Variants in RUNX1 observed in about 807,000 individuals in gnomAD.
The protein encoded by RUNX1 is RUNX family transcription factor 1.
Under a neutral mutation model 42.8 loss-of-function variants are expected in RUNX1, and 19 were observed. The ratio of observed to expected loss-of-function variants is 0.44; its 90% CI spans 0.31 to 0.65. RUNX1 has a LOEUF of 0.65. RUNX1 is among the 30% of genes least tolerant of loss of function. The pLI, the probability that RUNX1 is intolerant of heterozygous loss-of-function variation, is 0.07. For missense variants in RUNX1, 528 were observed against 672.0 expected, an observed-to-expected ratio of 0.79 and a Z score of 2.37; for synonymous variants, 271 against 289.4, an observed-to-expected ratio of 0.94 and a Z score of 0.64.
chr21:34,896,598 A>C (rs2058132118), intron 2 of RUNX1, among the ~76,000 whole-genome samples: 2 of 152,114 alleles, frequency 1.3e-5, no homozygotes, highest in African/African-American at 4.8e-5. Context: ...CAGGAGAATC[A>C]CTAGAACCCA....
chr21:34,849,328 T>TA (rs1450692175), intron 6 of RUNX1, among the ~76,000 whole-genome samples: 7 of 35,118 alleles, frequency 2.0e-4, no homozygotes, highest in East Asian at 2.4e-3. Flanking sequence ...ATATATTATA[T>TA]ATACTATATA....
chr21:34,971,540 T>G (rs574968653), intron 2 of RUNX1, among the ~76,000 whole-genome samples: 33 of 152,032 alleles, frequency 2.2e-4, no homozygotes, highest in Non-Finnish European at 3.7e-4. Context: ...CATCCATCCA[T>G]CCATCCAACC....
intron 6 of RUNX1, among the ~76,000 whole-genome samples, chr21:34,840,898 G>A (rs766058963): frequency 2.2e-4 from 34 of 152,080 alleles, no homozygotes; most frequent in Non-Finnish European, 3.2e-4. Context: ...AGAGCCTTTC[G>A]TGCTACCCTA....
intron 5 of RUNX1, among the ~76,000 whole-genome samples, chr21:34,874,393 C>A (rs918676114): frequency 3.5e-5 from 5 of 141,112 alleles, no homozygotes; most frequent in African/African-American, 1.3e-4. Flanking sequence ...GTGGACCACC[C>A]GAGATCAGGA....
intron 3 of RUNX1, chr21:34,888,714 G>C (rs989634427): frequency 1.9e-6 from 2 of 1,030,340 alleles, no homozygotes; most frequent in Non-Finnish European, 2.3e-6. Flanking sequence ...GGAAATGAAC[G>C]TGCTTTTACT....
chr21:34,989,577 C>A (rs534350269), intron 2 of RUNX1, among the ~76,000 whole-genome samples: 1 of 152,074 alleles, frequency 6.6e-6, no homozygotes, highest in Admixed American at 6.6e-5. Context: ...AAAGCAGTTT[C>A]TCTCCTCCTA....
chr21:34,918,470 A>T lies in RUNX1; in HGVS notation c.59-25507T>A, dbSNP rs1287370876. 2.0e-5 allele frequency among the ~76,000 whole-genome samples: 3 copies of T among 152,188 alleles called. No homozygotes were observed. In the East Asian group the frequency reaches 5.8e-4, roughly 29 times the overall value. ...AGGAAGGATCTATGTTTAACAGATT[A>T]TTTTAGTTTTAAAATTTGCTTATCT... On this transcript the variant is annotated intron_variant, in intron 2 of 8. Coordinates refer to ENST00000675419, the MANE Select transcript of RUNX1 (RefSeq NM_001754.5).
chr21:34,849,279 A>ACT (rs1260484764), intron 6 of RUNX1, among the ~76,000 whole-genome samples: 2 of 66,682 alleles, frequency 3.0e-5, no homozygotes, highest in African/African-American at 1.2e-4. Context: ...ATATATATAT[A>ACT]ATATATATTA....
chr21:34,949,944 C>T (rs2058594429), intron 2 of RUNX1, among the ~76,000 whole-genome samples: 1 of 152,220 alleles, frequency 6.6e-6, no homozygotes, highest in African/African-American at 2.4e-5. Context: ...GGGGCTTTGA[C>T]ATCTTGTGCT....
At chr21:35,023,753 T>C (rs1334916616) in intron 2 of RUNX1, among the ~76,000 whole-genome samples, 2 of 152,176 alleles carry the variant, frequency 1.3e-5, no homozygotes, top group Non-Finnish European at 2.9e-5. Flanking sequence ...CAACATTGCC[T>C]GATTTACAGG....
At chr21:34,998,848 T>G (rs929320046) in intron 2 of RUNX1, among the ~76,000 whole-genome samples, 2 of 152,172 alleles carry the variant, frequency 1.3e-5, no homozygotes, top group African/African-American at 4.8e-5. Flanking sequence ...GCCTCTTTTT[T>G]CTTAAGACCA....
intron 2 of RUNX1, among the ~76,000 whole-genome samples, chr21:34,912,188 C>G (rs1380963635): frequency 6.7e-6 from 1 of 149,318 alleles, no homozygotes; most frequent in African/African-American, 2.5e-5. Context: ...TGAACTGTAG[C>G]TGCCACCTCC....
chr21:34,994,671 T>C (rs948386618), intron 2 of RUNX1, among the ~76,000 whole-genome samples: 3 of 152,014 alleles, frequency 2.0e-5, no homozygotes, highest in Non-Finnish European at 4.4e-5. Context: ...CCCGTAAAAA[T>C]TGAAAATTAA....
intron 2 of RUNX1, among the ~76,000 whole-genome samples, chr21:34,932,569 G>A (rs1285360881): frequency 6.6e-6 from 1 of 152,150 alleles, no homozygotes; most frequent in Non-Finnish European, 1.5e-5. Context: ...TTATTGAGGA[G>A]TCCATTATGT....
rs887719483 is a variant in RUNX1, at chr21:34,907,503, C to A, written c.59-14540G>T. Among the ~76,000 whole-genome samples, 2 of 152,074 alleles carry A rather than the reference C, an allele frequency of 1.3e-5. No homozygotes were observed. Among genetic ancestry groups the A allele is most frequent in the African/African-American group, 4.8e-5 (2 of 41,424 alleles). On this transcript the variant is annotated intron_variant, in intron 2 of 8. Coordinates refer to ENST00000675419, the MANE Select transcript of RUNX1 (RefSeq NM_001754.5). The surrounding 1 kb of genome is among the most constrained non-coding windows in gnomAD (Gnocchi z 5.3). ...CTGAGCCCTGGCATACTATTTACTT[C>A]TTACTGTTTCTTGCTATTCAAAAAG...
At chr21:34,977,237 A>C (rs2058809495) in intron 2 of RUNX1, among the ~76,000 whole-genome samples, 1 of 152,240 alleles carries the variant, frequency 6.6e-6, no homozygotes, top group Admixed American at 6.5e-5. Flanking sequence ...CACGGTGTTG[A>C]ATTCCCCACT....
chr21:34,921,268 A>G (rs4816500), intron 2 of RUNX1, among the ~76,000 whole-genome samples: 147,254 of 152,280 alleles, frequency 0.97, 71,241 homozygotes, highest in Non-Finnish European at 0.98. Flanking sequence ...AACTCTTTAC[A>G]CATTGAACCA....
intron 8 of RUNX1, among the ~76,000 whole-genome samples, chr21:34,795,991 C>A (rs186519565): frequency 6.6e-6 from 1 of 152,256 alleles, no homozygotes; most frequent in African/African-American, 2.4e-5. Flanking sequence ...GGAAAATGAA[C>A]GAAAGGTCAC....
chr21:35,042,990 G>A (rs932641706), intron 2 of RUNX1, among the ~76,000 whole-genome samples: 1 of 152,194 alleles, frequency 6.6e-6, no homozygotes, highest in Admixed American at 6.5e-5. Flanking sequence ...GAAAGAGAGA[G>A]ATTCAGAGAG....
Sources: gnomAD v4.1 joint callset for allele counts (sites outside exome capture counted in the v4.1 genomes callset) on GRCh38, gnomAD v4.1.1 for gene constraint, Gnocchi (gnomAD v3.1) non-coding constraint, MANE v1.5 for transcripts, NCBI Gene and HGNC (gene_info 2026-07-23, HGNC 2026-07-21) for gene names.